Variants in GFOD1 observed in about 807,000 individuals in gnomAD.
GFOD1 encodes Gfo/Idh/MocA-like oxidoreductase domain containing 1, also known as glucose-fructose oxidoreductase domain-containing protein 1.
Under a neutral mutation model 25.4 loss-of-function variants are expected in GFOD1, and 9 were observed. The observed-to-expected ratio is 0.35, with a 90% CI of 0.21 to 0.62. The LOEUF is 0.62. Ranked by LOEUF, GFOD1 falls within the 20% of genes least tolerant of loss-of-function variation. GFOD1 has a pLI of 0.72. For missense variants in GFOD1, 403 were observed against 556.9 expected, an observed-to-expected ratio of 0.72 and a Z score of 2.78; for synonymous variants, 253 against 245.6, an observed-to-expected ratio of 1.03 and a Z score of -0.28.
rs1784897752 is a variant in GFOD1 at position 13,358,244 on chromosome 6, T to C, written c.*6499A>G. The C allele has an allele frequency of 1.3e-5, 2 of 152,174 alleles. No individual in the cohort carries two copies. Among genetic ancestry groups the C allele is most frequent in the African/African-American group, 4.8e-5 (2 of 41,428 alleles). The allele number at this position is 152,174 out of a possible 1,614,324, so 9.4% of individuals were successfully genotyped here. On this transcript the variant is annotated 3_prime_UTR_variant, in exon 2 of 2. Transcript: ENST00000379287. ...CTGTTTACTTTATAACACACATCTT[T>C]TTCCCTTGATAAATAACTCTTTAAA...
chr6:13,403,587 T>C (rs1785891042), intron 1 of GFOD1, among the ~76,000 whole-genome samples: 1 of 152,198 alleles, frequency 6.6e-6, no homozygotes, highest in Admixed American at 6.5e-5. Flanking sequence ...ACAGTAAAAA[T>C]TATAATACTA....
At chr6:13,455,812 G>A (rs1302771841) in intron 1 of GFOD1, among the ~76,000 whole-genome samples, 2 of 152,248 alleles carry the variant, frequency 1.3e-5, no homozygotes, top group Non-Finnish European at 2.9e-5. Context: ...TCTGCTAACA[G>A]GGAGGGGGAC....
intron 1 of GFOD1, among the ~76,000 whole-genome samples, chr6:13,426,333 AG>A (rs1786351965): frequency 6.6e-6 from 1 of 152,244 alleles, no homozygotes; most frequent in Non-Finnish European, 1.5e-5. Context: ...CCACAGAAAC[AG>A]GCGTCAATGG....
intron 1 of GFOD1, among the ~76,000 whole-genome samples, chr6:13,382,182 T>C (rs912450181): frequency 1.2e-4 from 18 of 152,176 alleles, no homozygotes; most frequent in African/African-American, 3.4e-4. Flanking sequence ...TTGATTATAA[T>C]ATATTACAAT....
intron 1 of GFOD1, among the ~76,000 whole-genome samples, chr6:13,406,155 C>T (rs542737731): frequency 8.5e-5 from 13 of 152,268 alleles, no homozygotes; most frequent in Admixed American, 5.9e-4. Context: ...CAAATGTTCT[C>T]GGAACAAGGA....
chr6:13,450,511 G>A (rs548568788), intron 1 of GFOD1, among the ~76,000 whole-genome samples: 92 of 152,164 alleles, frequency 6.0e-4, no homozygotes, highest in Non-Finnish European at 1.1e-3. Flanking sequence ...AAGAGAAGGT[G>A]CATGGGATGA....
intron 1 of GFOD1, chr6:13,407,893 C>A: frequency 1.2e-6 from 1 of 829,828 alleles, no homozygotes; most frequent in Non-Finnish European, 1.4e-6. Flanking sequence ...CTCAACCACC[C>A]TCCTCCCTGT....
chr6:13,445,400 G>A (rs1351614066), intron 1 of GFOD1, among the ~76,000 whole-genome samples: 1 of 152,078 alleles, frequency 6.6e-6, no homozygotes, highest in Non-Finnish European at 1.5e-5. Context: ...ACTTGTACTG[G>A]GCCCTCAATC....
At chr6:13,479,646 C>T (rs1382642507) in intron 1 of GFOD1, among the ~76,000 whole-genome samples, 2 of 152,228 alleles carry the variant, frequency 1.3e-5, no homozygotes, top group Non-Finnish European at 2.9e-5. Context: ...CATTTAGCTT[C>T]TTCTCCCTCC....
intron 1 of GFOD1, among the ~76,000 whole-genome samples, chr6:13,404,785 G>A (rs991401031): frequency 6.6e-6 from 1 of 152,230 alleles, no homozygotes; most frequent in Non-Finnish European, 1.5e-5. Context: ...TTGTCTGCAT[G>A]AGTAATTTTC....
Position 13,359,837 on chromosome 6 carries a change from C to T in GFOD1, c.*4906G>A, listed in dbSNP as rs1311543779. 6.6e-6 allele frequency: 1 copy of T among 151,948 alleles called. No individual in the cohort carries two copies. Among genetic ancestry groups the T allele is most frequent in the African/African-American group, 2.4e-5 (1 of 41,230 alleles). 9.4% of individuals were successfully genotyped at this position (151,948 alleles called of 1,614,324 possible). A position where few individuals can be genotyped will look rare whatever the true frequency, so the allele number is the denominator to read the frequency against. On this transcript the variant is annotated 3_prime_UTR_variant, in exon 2 of 2. Transcript: ENST00000379287. ...TGGCGTGCGTCTGTAATCCCAGCTA[C>T]TCAGGAGGCTGAGGCAGGAGAATCG...
In GFOD1 at chr6:13,430,191, C is replaced by T. The variant is rs1351227771; in HGVS notation, c.253+56447G>A. Reference sequence around the variant, plus strand: ...GTCGCTCATGCCTGTAACCCCAGCACTTTGGGAAGCAGAGGCGGGTGGATG... The same window carrying T: ...GTCGCTCATGCCTGTAACCCCAGCATTTTGGGAAGCAGAGGCGGGTGGATG... On this transcript the variant is annotated intron_variant, in intron 1 of 1. Coordinates refer to ENST00000379287, the MANE Select transcript of GFOD1 (RefSeq NM_018988.4). This position sits in a 1 kb window ranked among gnomAD's most constrained non-coding sequence, Gnocchi z 4.1. Among the ~76,000 whole-genome samples, 1 of 152,198 alleles carries T rather than the reference C, an allele frequency of 6.6e-6. No individual in the cohort carries two copies. The highest frequency in any genetic ancestry group is 1.5e-5 in the Non-Finnish European group (1 of 68,036).
At chr6:13,480,164 G>A (rs1389327464) in intron 1 of GFOD1, among the ~76,000 whole-genome samples, 3 of 152,154 alleles carry the variant, frequency 2.0e-5, no homozygotes, top group Non-Finnish European at 2.9e-5. Context: ...AGCTGATGAC[G>A]CCAAACAAGT....
chr6:13,401,050 C>T (rs905903421), intron 1 of GFOD1, among the ~76,000 whole-genome samples: 2 of 152,196 alleles, frequency 1.3e-5, no homozygotes, highest in African/African-American at 4.8e-5. Flanking sequence ...GACCATAAGT[C>T]TATGTTTCAA....
intron 1 of GFOD1, among the ~76,000 whole-genome samples, chr6:13,367,340 T>C (rs1261853068): frequency 3.3e-5 from 5 of 152,214 alleles, no homozygotes; most frequent in African/African-American, 1.2e-4. Flanking sequence ...AGCATTATCA[T>C]GCTTGTTTAT....
At chr6:13,453,030 T>A (rs1007629955) in intron 1 of GFOD1, among the ~76,000 whole-genome samples, 2 of 152,230 alleles carry the variant, frequency 1.3e-5, no homozygotes, top group African/African-American at 4.8e-5. Context: ...AACATTCACA[T>A]GCCGGGAAAG....
intron 1 of GFOD1, among the ~76,000 whole-genome samples, chr6:13,429,267 C>T (rs1757704360): frequency 6.6e-6 from 1 of 152,216 alleles, no homozygotes; most frequent in Non-Finnish European, 1.5e-5. Flanking sequence ...AGGAGCTGGT[C>T]TCCTATGCGG....
intron 1 of GFOD1, among the ~76,000 whole-genome samples, chr6:13,375,298 T>C (rs1256625183): frequency 6.6e-6 from 1 of 152,104 alleles, no homozygotes; most frequent in Non-Finnish European, 1.5e-5. Flanking sequence ...AGATACACGC[T>C]CCTATTTTTA....
chr6:13,377,132 A>G lies in GFOD1; in HGVS notation c.254-11470T>C, dbSNP rs147740023. On this transcript the variant is annotated intron_variant, in intron 1 of 1. Transcript: ENST00000379287. ...CTTCTGCAGAGCCTCCTGCATGACA[A>G]CACTCAGTTGTAGCTATCTAGTGGC... is the stretch of plus-strand genomic sequence containing the variant. Among the ~76,000 whole-genome samples the G allele has an allele frequency of 3.9e-5, 6 of 152,170 alleles. No homozygotes were observed. In the East Asian group the frequency reaches 1.2e-3, roughly 29 times the overall value.
Sources: gnomAD v4.1 joint callset for allele counts (sites outside exome capture counted in the v4.1 genomes callset) on GRCh38, gnomAD v4.1.1 for gene constraint, Gnocchi (gnomAD v3.1) non-coding constraint, MANE v1.5 for transcripts, NCBI Gene and HGNC (gene_info 2026-07-23, HGNC 2026-07-21) for gene names.